The following EFNA5 variants were observed in gnomAD, a reference collection of about 807,000 sequenced individuals.
EFNA5 encodes the protein ephrin-A5.
In EFNA5, 5 loss-of-function variants were observed where a neutral mutation model predicts 22.9. The ratio of observed to expected loss-of-function variants is 0.22; its 90% CI spans 0.11 to 0.46. EFNA5 has a LOEUF of 0.46. Among genes scored for constraint, EFNA5 ranks in the 20% least tolerant of loss-of-function variants. The probability of loss-of-function intolerance (pLI) is 0.99; values close to 1 mark genes in which losing one functional copy is unlikely to be tolerated. For missense variants in EFNA5, 237 were observed against 293.3 expected (o/e 0.81, Z 1.40); for synonymous variants, 113 against 112.2 (o/e 1.01, Z -0.04).
chr5:107,539,497 TG>T (rs1182185038), intron 1 of EFNA5, among the ~76,000 whole-genome samples: 1 of 152,194 alleles, frequency 6.6e-6, no homozygotes, highest in African/African-American at 2.4e-5. Flanking sequence ...CTTGCTCTTT[TG>T]CCCAGGCTGA....
At chr5:107,478,964 T>C (rs1053475854) in intron 1 of EFNA5, among the ~76,000 whole-genome samples, 2 of 152,118 alleles carry the variant, frequency 1.3e-5, no homozygotes, top group Non-Finnish European at 2.9e-5. Context: ...CCAAAAGAGA[T>C]GCAAAGACAT....
chr5:107,525,320 G>A (rs1747672892), intron 1 of EFNA5, among the ~76,000 whole-genome samples: 1 of 152,018 alleles, frequency 6.6e-6, no homozygotes, highest in African/African-American at 2.4e-5. Context: ...AATGTATATG[G>A]CATATATTCA....
intron 1 of EFNA5, among the ~76,000 whole-genome samples, chr5:107,635,268 T>C (rs1387295856): frequency 2.6e-5 from 4 of 152,234 alleles, no homozygotes; most frequent in Non-Finnish European, 5.9e-5. Flanking sequence ...ATAACTGCTT[T>C]TATTTTATTT....
intron 1 of EFNA5, among the ~76,000 whole-genome samples, chr5:107,659,846 G>A (rs1168835903): frequency 6.6e-6 from 1 of 151,956 alleles, no homozygotes; most frequent in Non-Finnish European, 1.5e-5. Context: ...CGCTAAAATA[G>A]GGAGACCCTT....
chr5:107,543,329 T>C (rs1484081380), intron 1 of EFNA5, among the ~76,000 whole-genome samples: 1 of 152,260 alleles, frequency 6.6e-6, no homozygotes, highest in African/African-American at 2.4e-5. Flanking sequence ...GGCCCTTTTA[T>C]ATTTATTTTA....
chr5:107,622,110 T>A (rs1021409894), intron 1 of EFNA5, among the ~76,000 whole-genome samples: 1 of 152,114 alleles, frequency 6.6e-6, no homozygotes, highest in African/African-American at 2.4e-5. Flanking sequence ...TATTTACCAA[T>A]GTGACAAGTC....
intron 1 of EFNA5, among the ~76,000 whole-genome samples, chr5:107,502,625 T>C (rs2112426825): frequency 6.6e-6 from 1 of 152,246 alleles, no homozygotes; most frequent in South Asian, 2.1e-4. Context: ...ACATACATAC[T>C]CAGGACGTGC....
intron 1 of EFNA5, among the ~76,000 whole-genome samples, chr5:107,442,867 G>C (rs17159975): frequency 0.038 from 5,457 of 143,992 alleles, 343 homozygotes; most frequent in African/African-American, 0.13. Flanking sequence ...AATACAGATG[G>C]TATTTCCCCC....
At position 107,427,304 on chromosome 5, in the gene EFNA5, G is replaced by A; in HGVS notation, c.331C>T (p.Pro111Ser). 2 of 1,614,124 alleles carry A rather than the reference G, an allele frequency of 1.2e-6. No individual in the cohort carries two copies. The highest frequency in any genetic ancestry group is 1.7e-6 in the Non-Finnish European group (2 of 1,180,010). ...TGGAATTTTTCAGAGAACTTCAGCG[G>A]TCCATTTGGAGAGTGAGGCCGGTTA... ...ECNRPHSPNG[P>S]LKFSEKFQLF... Residue 111 changes from proline (P) to serine (S), a missense_variant, in exon 2 of 5, where the codon CCG becomes TCG. Transcript: ENST00000333274.
intron 1 of EFNA5, among the ~76,000 whole-genome samples, chr5:107,436,638 C>A (rs558421091): frequency 1.3e-5 from 2 of 152,158 alleles, no homozygotes; most frequent in South Asian, 4.2e-4. Flanking sequence ...GAGTTTTACA[C>A]CCCCCAGCCC....
intron 1 of EFNA5, among the ~76,000 whole-genome samples, chr5:107,485,718 T>A (rs79022194): frequency 6.6e-6 from 1 of 152,106 alleles, no homozygotes; most frequent in Non-Finnish European, 1.5e-5. Context: ...TCAGGCTTAG[T>A]AGGAAAGAAA....
chr5:107,460,007 T>A (rs1749792063), intron 1 of EFNA5, among the ~76,000 whole-genome samples: 1 of 152,104 alleles, frequency 6.6e-6, no homozygotes, highest in African/African-American at 2.4e-5. Context: ...ACTGCAGAGG[T>A]AACATTTTTA....
chr5:107,472,418 T>A (rs1199868067), intron 1 of EFNA5, among the ~76,000 whole-genome samples: 1 of 152,206 alleles, frequency 6.6e-6, no homozygotes, highest in Non-Finnish European at 1.5e-5. Flanking sequence ...ACACTTTGGA[T>A]GTTAAAAACA....
chr5:107,670,284 G>T (rs1751163055), intron 1 of EFNA5, among the ~76,000 whole-genome samples: 1 of 152,138 alleles, frequency 6.6e-6, no homozygotes, highest in African/African-American at 2.4e-5. Flanking sequence ...ACTCCCAGGG[G>T]TACCTGGCCT....
intron 1 of EFNA5, among the ~76,000 whole-genome samples, chr5:107,619,499 G>C (rs1335704254): frequency 2.7e-5 from 4 of 149,160 alleles, no homozygotes; most frequent in Non-Finnish European, 5.9e-5. Flanking sequence ...GTCTCTCTCT[G>C]TTGCCCAGGC....
chr5:107,623,165 T>A (rs1490889447), intron 1 of EFNA5, among the ~76,000 whole-genome samples: 1 of 151,276 alleles, frequency 6.6e-6, no homozygotes, highest in African/African-American at 2.4e-5. Context: ...TTTTATTTCA[T>A]CTAGAGGTAC....
chr5:107,420,103 G>A (rs1280212146), intron 2 of EFNA5, among the ~76,000 whole-genome samples: 1 of 152,052 alleles, frequency 6.6e-6, no homozygotes, highest in Non-Finnish European at 1.5e-5. Flanking sequence ...ACTAAAGTAA[G>A]GCACTGAAAA....
intron 4 of EFNA5, among the ~76,000 whole-genome samples, chr5:107,383,243 G>A (rs1456840544): frequency 6.6e-6 from 1 of 152,280 alleles, no homozygotes; most frequent in Middle Eastern, 3.4e-3. Context: ...TGCATGGAGT[G>A]ATTTTAGCTT....
intron 1 of EFNA5, among the ~76,000 whole-genome samples, chr5:107,629,182 CAA>C: frequency 6.6e-6 from 1 of 151,892 alleles, no homozygotes; most frequent in Non-Finnish European, 1.5e-5. Flanking sequence ...TCTACACACA[CAA>C]AAAATTCATC....
Sources: allele counts gnomAD v4.1 joint callset (sites outside exome capture counted in the v4.1 genomes callset), GRCh38; gene constraint gnomAD v4.1.1; transcripts MANE v1.5; gene names NCBI Gene and HGNC (gene_info 2026-07-23, HGNC 2026-07-21).